The following SLC38A6 variants were observed in gnomAD, a reference collection of about 807,000 sequenced individuals.
The protein encoded by SLC38A6 is solute carrier family 38 member 6.
A neutral mutation model predicts 65.0 loss-of-function variants in SLC38A6; 73 were observed. The ratio of observed to expected loss-of-function variants is 1.12; its 90% CI spans 0.93 to 1.37. The LOEUF (loss-of-function observed/expected upper bound fraction) is 1.37. SLC38A6 is among the 40% of genes most tolerant of loss of function. The pLI, the probability that SLC38A6 is intolerant of heterozygous loss-of-function variation, is 0.00. For missense variants in SLC38A6, 561 were observed against 531.1 expected (o/e 1.06, Z -0.55); for synonymous variants, 183 against 178.8 (o/e 1.02, Z -0.19).
chr14:60,984,920 G>A (rs2037340829), intron 3 of SLC38A6, 117 bp downstream of exon 3: 2 of 968,674 alleles, frequency 2.1e-6, no homozygotes, highest in Non-Finnish European at 3.2e-6. Context: ...TTATTAGATA[G>A]GGTGATCGGA....
chr14:61,037,591 A>G, intron 7 of SLC38A6, 34 bp from the exon 8 acceptor site: 4 of 1,475,204 alleles, frequency 2.7e-6, no homozygotes, highest in Non-Finnish European at 3.7e-6. Flanking sequence ...CGCTTTCCTT[A>G]TAAATTGCTT....
chr14:61,055,118 C>CT (rs1219357097), downstream of SLC38A6, among the ~76,000 whole-genome samples: 11 of 98,652 alleles, frequency 1.1e-4, no homozygotes, highest in Non-Finnish European at 1.7e-4. Flanking sequence ...TTTTTTTTTT[C>CT]TTTTTTTTTT....
intron 3 of SLC38A6, among the ~76,000 whole-genome samples, chr14:61,003,973 T>G (rs996259861): frequency 3.9e-5 from 6 of 152,136 alleles, no homozygotes; most frequent in African/African-American, 1.4e-4. Flanking sequence ...CATTTAGAGA[T>G]ATTCTTATAA....
At chr14:61,066,293 A>C (rs945548595) in intron 15 of SLC38A6, among the ~76,000 whole-genome samples, 1 of 152,184 alleles carries the variant, frequency 6.6e-6, no homozygotes, top group Non-Finnish European at 1.5e-5. Context: ...TTGCAATCAG[A>C]ATCCTTTCTG....
At chr14:61,079,660 T>A (rs921623155) in intron 16 of SLC38A6, among the ~76,000 whole-genome samples, 3 of 152,154 alleles carry the variant, frequency 2.0e-5, no homozygotes, top group African/African-American at 7.2e-5. Flanking sequence ...TCTTGTATAT[T>A]TGTATGTCTA....
At chr14:61,075,777 TTGTGTGTGTGTGTG>T (rs57421102) in intron 15 of SLC38A6, among the ~76,000 whole-genome samples, 2,183 of 123,388 alleles carry the variant, frequency 0.018, 23 homozygotes, top group African/African-American at 0.035. Flanking sequence ...ATCAACCTGT[TTGTGTGTGTGTGTG>T]TGTGTGTGTG....
At chr14:61,000,345 C>A (rs1247341059) in intron 3 of SLC38A6, among the ~76,000 whole-genome samples, 1 of 152,210 alleles carries the variant, frequency 6.6e-6, no homozygotes, top group Non-Finnish European at 1.5e-5. Context: ...TTTAAAAATT[C>A]TTGGGCAGGC....
At chr14:61,026,427 G>T (rs2040616973) in intron 5 of SLC38A6, among the ~76,000 whole-genome samples, 1 of 151,900 alleles carries the variant, frequency 6.6e-6, no homozygotes, top group Non-Finnish European at 1.5e-5. Flanking sequence ...CACCAAAGGA[G>T]CTCCAATACT....
chr14:61,075,750 C>T (rs12896654), intron 15 of SLC38A6, among the ~76,000 whole-genome samples: 2,628 of 150,614 alleles, frequency 0.017, 36 homozygotes, highest in Non-Finnish European at 0.03. Context: ...AAATCAGGCT[C>T]CAAGAACGTG....
At chr14:61,049,193 CATT>C (rs1214730981) in intron 12 of SLC38A6, among the ~76,000 whole-genome samples, 5 of 152,104 alleles carry the variant, frequency 3.3e-5, no homozygotes, top group Non-Finnish European at 7.4e-5. Flanking sequence ...CTTTGTAAGT[CATT>C]ATTGCATTTC....
intron 5 of SLC38A6, among the ~76,000 whole-genome samples, chr14:61,027,200 A>G (rs928673552): frequency 2.0e-5 from 3 of 152,180 alleles, no homozygotes; most frequent in African/African-American, 4.8e-5. Context: ...TTAGTTTAAA[A>G]TTAAGTAGAA....
intron 3 of SLC38A6, among the ~76,000 whole-genome samples, chr14:60,989,326 C>G (rs2037688611): frequency 6.6e-6 from 1 of 152,184 alleles, no homozygotes; most frequent in Admixed American, 6.5e-5. Flanking sequence ...CATTTCCTTC[C>G]TATCATTTTA....
At chr14:61,052,187 TG>T in intron 15 of SLC38A6, 52 bp downstream of exon 15, 1 of 1,432,726 alleles carries the variant, frequency 7.0e-7, no homozygotes, top group Non-Finnish European at 9.4e-7. Context: ...AGAAATAGTT[TG>T]TCAGTTTATA....
chr14:60,994,180 TA>T (rs1464262762), intron 3 of SLC38A6, among the ~76,000 whole-genome samples: 4 of 152,238 alleles, frequency 2.6e-5, no homozygotes, highest in Non-Finnish European at 4.4e-5. Flanking sequence ...TGGAAGCAAC[TA>T]AAATGTTCCT....
intron 16 of SLC38A6, chr14:61,079,048 A>T (rs938044702): frequency 2.7e-5 from 4 of 150,902 alleles, no homozygotes; most frequent in East Asian, 2.0e-4. Flanking sequence ...GCCTCCCAAA[A>T]TTCTGGGATT....
At chr14:61,076,907 AC>A (rs781180878) in intron 15 of SLC38A6, among the ~76,000 whole-genome samples, 1 of 152,226 alleles carries the variant, frequency 6.6e-6, no homozygotes, top group Non-Finnish European at 1.5e-5. Context: ...TGGATGTCTT[AC>A]GAAACAATGT....
chr14:61,029,154 TC>T (rs2040785539), intron 5 of SLC38A6, among the ~76,000 whole-genome samples: 1 of 150,530 alleles, frequency 6.6e-6, no homozygotes, highest in South Asian at 2.1e-4. Flanking sequence ...TACTCTTTAT[TC>T]TTTTTTTTTT....
Position 61,052,034 on chromosome 14 carries a change from T to C in SLC38A6, c.1196-7T>C, listed in dbSNP as rs779370223. On this transcript the variant is annotated splice_region_variant and splice_polypyrimidine_tract_variant and intron_variant, in intron 14 of 15. Transcript: ENST00000267488. ...TATCCTCTCTTTTTTTTCCCTCCAC[T>C]TTAAAGGTGCCAGTACATCAACATG... 6.2e-6 allele frequency: 10 copies of C among 1,601,858 alleles called. No homozygotes were observed. Among genetic ancestry groups the C allele is most frequent in the Non-Finnish European group, 7.7e-6 (9 of 1,175,852 alleles).
intron 3 of SLC38A6, among the ~76,000 whole-genome samples, chr14:60,986,737 C>CTA (rs1475169907): frequency 2.0e-5 from 3 of 152,178 alleles, no homozygotes; most frequent in South Asian, 4.1e-4. Flanking sequence ...GATACTTTAA[C>CTA]ATCTTGGTAG....
Sources: gnomAD v4.1 joint callset for allele counts (sites outside exome capture counted in the v4.1 genomes callset) on GRCh38, gnomAD v4.1.1 for gene constraint, MANE v1.5 for transcripts, NCBI Gene and HGNC (gene_info 2026-07-23, HGNC 2026-07-21) for gene names.